CA12: variants seen among roughly 807,000 people sequenced by gnomAD.
The protein encoded by CA12 is carbonate dehydratase XII.
Under a neutral mutation model 46.8 loss-of-function variants are expected in CA12, and 36 were observed. The observed-to-expected ratio is 0.77, with a 90% CI of 0.59 to 1.02. The LOEUF is 1.02. Ranked by LOEUF, CA12 falls within the 50% of genes least tolerant of loss-of-function variation. The pLI, the probability that CA12 is intolerant of heterozygous loss-of-function variation, is 0.00. For missense variants in CA12, 436 were observed against 451.4 expected, an observed-to-expected ratio of 0.97 and a Z score of 0.31; for synonymous variants, 202 against 187.0, an observed-to-expected ratio of 1.08 and a Z score of -0.65.
In CA12 at chr15:63,345,529, T is replaced by C. The variant is rs1322441297; in HGVS notation, c.377A>G (p.Asn126Ser). 3.1e-6 allele frequency: 5 copies of C among 1,612,558 alleles called. No homozygotes were observed. The Admixed American group carries it at 5.0e-5, about 16-fold the overall frequency. The change falls in exon 4 of 11, where the codon AAT becomes AGT. Residue 126 changes from asparagine to serine, a missense_variant. Transcript: ENST00000178638. This position sits in a 1 kb window ranked among gnomAD's most constrained non-coding sequence, Gnocchi z 4.3. ...GGTGTGCTCAGAGCCGTGCGGGTCATTCGGGTTCCCCCAGTGCAGGTGCAG... is the reference window on the plus strand; with the variant it reads ...GGTGTGCTCAGAGCCGTGCGGGTCACTCGGGTTCCCCCAGTGCAGGTGCAG... ...TQLHLHWGNP[N>S]DPHGSEHTVS...
chr15:63,360,680 C>G (rs57319813), intron 2 of CA12, among the ~76,000 whole-genome samples: 217 of 152,354 alleles, frequency 1.4e-3, no homozygotes, highest in African/African-American at 5.1e-3. Context: ...CTCACATATT[C>G]TCCTTGCCCT....
At chr15:63,375,872 C>T (rs984240741) in intron 1 of CA12, among the ~76,000 whole-genome samples, 194 bp from the exon 2 acceptor site, 10 of 150,660 alleles carry the variant, frequency 6.6e-5, no homozygotes, top group Middle Eastern at 3.4e-3. Flanking sequence ...TGCAGTGGCG[C>T]GATCTCGGCT....
intron 2 of CA12, among the ~76,000 whole-genome samples, chr15:63,356,250 G>C (rs2152621568): frequency 6.6e-6 from 1 of 152,198 alleles, no homozygotes; most frequent in East Asian, 1.9e-4. Context: ...AAAAATAGCT[G>C]GGCATGGTGG....
At chr15:63,326,396 G>T (rs984032114) in intron 10 of CA12, 39 bp from the exon 11 acceptor site, 14 of 1,541,712 alleles carry the variant, frequency 9.1e-6, no homozygotes, top group Non-Finnish European at 1.3e-5. Context: ...TTAGAGAGGA[G>T]AGCGAGCGAG....
intron 1 of CA12, among the ~76,000 whole-genome samples, chr15:63,380,941 G>A (rs531842924): frequency 1.3e-5 from 2 of 152,208 alleles, no homozygotes; most frequent in Middle Eastern, 3.4e-3. Flanking sequence ...GTCACTCCAC[G>A]GAGCCTCCAT....
At chr15:63,360,849 A>C (rs564648420) in intron 2 of CA12, among the ~76,000 whole-genome samples, 4 of 152,280 alleles carry the variant, frequency 2.6e-5, no homozygotes, top group Non-Finnish European at 4.4e-5. Flanking sequence ...ACCTGCTTAT[A>C]TGTCTACCTC....
intron 2 of CA12, among the ~76,000 whole-genome samples, chr15:63,351,714 A>C (rs2039234689): frequency 6.6e-6 from 1 of 152,136 alleles, no homozygotes. Flanking sequence ...TGCCAAAGCT[A>C]CCCCAGTGCT....
rs1196851806 is a variant in CA12 at position 63,327,005 on chromosome 15, C to A, written c.992+144G>T. On this transcript the variant is annotated intron_variant, in intron 10 of 10. Transcript: ENST00000178638. This position sits in a 1 kb window ranked among gnomAD's most constrained non-coding sequence, Gnocchi z 4.5. ...GTCTCATGCAAAGGAGGCCAGGGCACGGGTGCTTTGGGGACGGCCCTCCTA... is the reference window on the plus strand; with the variant it reads ...GTCTCATGCAAAGGAGGCCAGGGCAAGGGTGCTTTGGGGACGGCCCTCCTA... 6 of 711,844 alleles carry A rather than the reference C, an allele frequency of 8.4e-6. No homozygotes were observed. The highest frequency in any genetic ancestry group is 1.7e-5 in the African/African-American group (1 of 57,168). 44.1% of individuals were successfully genotyped at this position (711,844 alleles called of 1,614,324 possible).
chr15:63,364,271 T>C (rs1293277415), intron 2 of CA12, among the ~76,000 whole-genome samples: 1 of 131,932 alleles, frequency 7.6e-6, no homozygotes, highest in Non-Finnish European at 1.6e-5. Context: ...GTAGATCACT[T>C]GAGCCCAGGA....
chr15:63,332,343 C>A (rs542089096), intron 8 of CA12, among the ~76,000 whole-genome samples: 2 of 152,314 alleles, frequency 1.3e-5, no homozygotes, highest in Admixed American at 1.3e-4. Context: ...AGAAATCTGC[C>A]AACAAGATAG....
Position 63,328,338 on chromosome 15 carries a change from CTTT to C in CA12, c.875-211_875-209del, listed in dbSNP as rs57210378. Among the ~76,000 whole-genome samples, 8 of 140,386 alleles carry C rather than the reference CTTT, an allele frequency of 5.7e-5. No individual in the cohort carries two copies. Among genetic ancestry groups the C allele is most frequent in the African/African-American group, 1.6e-4 (6 of 38,140 alleles). 92.1% of individuals were successfully genotyped at this position (140,386 alleles called of 152,430 possible). Reference sequence around the variant, plus strand: ...ACTGCAATCCCTCCTTCCGATGCTCCTTTTTTTTTTTTTTTTGAGATGGAATCT... The same window carrying C: ...ACTGCAATCCCTCCTTCCGATGCTCCTTTTTTTTTTTTTGAGATGGAATCT... On this transcript the variant is annotated intron_variant, in intron 8 of 10. Transcript: ENST00000178638. The surrounding 1 kb of genome is among the most constrained non-coding windows in gnomAD (Gnocchi z 5.9).
intron 4 of CA12, 54 bp from the exon 5 acceptor site, chr15:63,342,151 T>C: frequency 8.4e-7 from 1 of 1,189,694 alleles, no homozygotes; most frequent in Non-Finnish European, 1.3e-6. Flanking sequence ...TGGGAGCCTG[T>C]CGCTTCTGCA....
In CA12 at chr15:63,340,090, T is replaced by C; in HGVS notation, c.747+198A>G. On this transcript the variant is annotated intron_variant, in intron 7 of 10. Coordinates refer to ENST00000178638, the MANE Select transcript of CA12 (RefSeq NM_001218.5). This position sits in a 1 kb window ranked among gnomAD's most constrained non-coding sequence, Gnocchi z 4.4. ...TTAAAAAAGAACTAGGAGACATCTA[T>C]TCATTTGCCTAGCTTGACTTCTTTT... 1 of 654,964 alleles carries C rather than the reference T, an allele frequency of 1.5e-6. No homozygotes were observed. The highest frequency in any genetic ancestry group is 2.7e-6 in the Non-Finnish European group (1 of 369,796). 40.6% of individuals were successfully genotyped at this position (654,964 alleles called of 1,614,324 possible).
At position 63,373,189 on chromosome 15, in the gene CA12, AC is replaced by A. The variant is rs2039528665; in HGVS notation, c.106+2468del. Among the ~76,000 whole-genome samples, 1 of 152,086 alleles carries A rather than the reference AC, an allele frequency of 6.6e-6. No individual in the cohort carries two copies. Among genetic ancestry groups the A allele is most frequent in the Non-Finnish European group, 1.5e-5 (1 of 68,008 alleles). On this transcript the variant is annotated intron_variant, in intron 2 of 10. Coordinates refer to ENST00000178638, the MANE Select transcript of CA12 (RefSeq NM_001218.5). The surrounding 1 kb of genome is among the most constrained non-coding windows in gnomAD (Gnocchi z 4.9). ...AGACCAGCCTGGCCATCATGGTGAAACCCCATCTCTAATAAAAATACAGAAA... is the reference window on the plus strand; with the variant it reads ...AGACCAGCCTGGCCATCATGGTGAAACCCATCTCTAATAAAAATACAGAAA...
At chr15:63,375,729 T>C (rs1176169498) in intron 1 of CA12, 51 bp from the exon 2 acceptor site, 1 of 1,375,920 alleles carries the variant, frequency 7.3e-7, no homozygotes, top group Non-Finnish European at 1.0e-6. Context: ...AGATGAGTAA[T>C]GGAAAACACT....
intron 1 of CA12, 127 bp from the exon 2 acceptor site, chr15:63,375,805 C>CT: frequency 1.1e-5 from 7 of 622,274 alleles, no homozygotes; most frequent in South Asian, 3.9e-5. Context: ...GAAACTTTTT[C>CT]TTTTTCTTTT....
At chr15:63,344,412 T>A (rs1403717570) in intron 4 of CA12, among the ~76,000 whole-genome samples, 1 of 152,256 alleles carries the variant, frequency 6.6e-6, no homozygotes, top group Non-Finnish European at 1.5e-5. Flanking sequence ...CTAAATGGAT[T>A]GAGTCTCAGA....
chr15:63,380,944 G>GC (rs1340318850), intron 1 of CA12, among the ~76,000 whole-genome samples: 3 of 152,274 alleles, frequency 2.0e-5, no homozygotes, highest in African/African-American at 7.2e-5. Flanking sequence ...ACTCCACGGA[G>GC]CCTCCATTCA....
In CA12 at chr15:63,328,044, A is replaced by T; in HGVS notation, c.907+54T>A. On this transcript the variant is annotated intron_variant, in intron 9 of 10. Transcript: ENST00000178638. This position sits in a 1 kb window ranked among gnomAD's most constrained non-coding sequence, Gnocchi z 5.9. ...GAGGACGGGCTTGGATCACACCAAG[A>T]ATCACAGTGATCACCCAGCTGCAGC... 6.4e-7 allele frequency: 1 copy of T among 1,555,558 alleles called. No individual in the cohort carries two copies. The highest frequency in any genetic ancestry group is 1.1e-5 in the South Asian group (1 of 89,812).
Sources: allele counts gnomAD v4.1 joint callset (sites outside exome capture counted in the v4.1 genomes callset), GRCh38; gene constraint gnomAD v4.1.1; non-coding constraint Gnocchi (gnomAD v3.1); transcripts MANE v1.5; gene names NCBI Gene and HGNC (gene_info 2026-07-23, HGNC 2026-07-21).